ASAP3: variants seen among roughly 807,000 people sequenced by gnomAD.
The protein encoded by ASAP3 is ArfGAP with SH3 domain, ankyrin repeat and PH domain 3.
A neutral mutation model predicts 118.2 loss-of-function variants in ASAP3; 85 were observed. The ratio of observed to expected loss-of-function variants is 0.72; its 90% CI spans 0.60 to 0.86. The LOEUF is 0.86. ASAP3 is among the 40% of genes least tolerant of loss of function. The pLI, the probability that ASAP3 is intolerant of heterozygous loss-of-function variation, is 0.00. For missense variants in ASAP3, 1,026 were observed against 1,175.0 expected (o/e 0.87, Z 1.85); for synonymous variants, 432 against 477.4 (o/e 0.90, Z 1.24).
chr1:23,467,226 G>A (rs889558693), intron 1 of ASAP3, among the ~76,000 whole-genome samples: 6 of 150,328 alleles, frequency 4.0e-5, no homozygotes, highest in African/African-American at 1.5e-4. Context: ...ATGGAGTCTT[G>A]CTCTGTTGCC....
At chr1:23,481,462 TGC>T (rs1642305094) in intron 1 of ASAP3, among the ~76,000 whole-genome samples, 1 of 152,118 alleles carries the variant, frequency 6.6e-6, no homozygotes, top group South Asian at 2.1e-4. Context: ...TAAATGCAAA[TGC>T]AAAACCAAAC....
chr1:23,446,133 GATA>G (rs1422250459), intron 5 of ASAP3, among the ~76,000 whole-genome samples: 3 of 152,182 alleles, frequency 2.0e-5, no homozygotes, highest in African/African-American at 7.2e-5. Context: ...ATCCCCCATG[GATA>G]ATGAGGGATG....
chr1:23,436,045 C>T lies in ASAP3; in HGVS notation c.1572-17G>A. The stretch of plus-strand genomic sequence containing the variant: ...CGGGTGCCCCTACCAAAAACAACCA[C>T]AGGATCTCAGAGCATGGACCGTGTC... On this transcript the variant is annotated splice_polypyrimidine_tract_variant and intron_variant, in intron 16 of 24. Coordinates refer to ENST00000336689, the MANE Select transcript of ASAP3 (RefSeq NM_017707.4). The surrounding 1 kb of genome is among the most constrained non-coding windows in gnomAD (Gnocchi z 4.2). The T allele has an allele frequency of 1.2e-6, 2 of 1,613,698 alleles. No homozygotes were observed. Among genetic ancestry groups the T allele is most frequent in the Non-Finnish European group, 8.5e-7 (1 of 1,179,590 alleles).
intron 4 of ASAP3, among the ~76,000 whole-genome samples, chr1:23,452,364 A>G (rs528621672): frequency 4.1e-4 from 63 of 152,304 alleles, no homozygotes; most frequent in African/African-American, 1.5e-3. Context: ...TGGGCTCTCT[A>G]CTTCCTAGTT....
At position 23,441,739 on chromosome 1, in the gene ASAP3, T is replaced by C. The variant is rs1365777994; in HGVS notation, c.672-9A>G. On this transcript the variant is annotated splice_polypyrimidine_tract_variant and intron_variant, in intron 7 of 24. Coordinates refer to ENST00000336689, the MANE Select transcript of ASAP3 (RefSeq NM_017707.4). ...AGCCATCTTGGAAAAAGCTAAGAGG[T>C]GTCAGAGGCCAAACAAGGGTCCAGA... is the stretch of plus-strand genomic sequence containing the variant. 2 of 1,613,698 alleles carry C rather than the reference T, an allele frequency of 1.2e-6. No homozygotes were observed. Among genetic ancestry groups the C allele is most frequent in the Non-Finnish European group, 1.7e-6 (2 of 1,179,902 alleles).
In ASAP3 at chr1:23,484,023, C is replaced by A; in HGVS notation, c.111G>T (p.Ala37=). 7.7e-7 allele frequency: 1 copy of A among 1,303,808 alleles called. No homozygotes were observed. The highest frequency in any genetic ancestry group is 9.7e-7 in the Non-Finnish European group (1 of 1,028,522). 80.8% of individuals were successfully genotyped at this position (1,303,808 alleles called of 1,614,324 possible). ...FAAKMPRYRG[A]ALAREEILEG... is the part of the protein sequence containing the mutation. ...CCCTCACCTCCTCCCGCGCCAGCGC[C>A]GCCCCTCGGTACCGGGGCATCTTGG... Residue 37 remains alanine, a synonymous_variant, in exon 1 of 25, where the codon GCG becomes GCT. Transcript: ENST00000336689.
At chr1:23,482,379 G>A (rs1309774993) in intron 1 of ASAP3, among the ~76,000 whole-genome samples, 2 of 152,050 alleles carry the variant, frequency 1.3e-5, no homozygotes, top group African/African-American at 4.8e-5. Context: ...AATATTAGCC[G>A]GGTGTGGTGG....
In ASAP3 at chr1:23,438,676, C is replaced by G; in HGVS notation, c.1102+71G>C. 2 of 1,421,604 alleles carry G rather than the reference C, an allele frequency of 1.4e-6. No homozygotes were observed. Among genetic ancestry groups the G allele is most frequent in the Non-Finnish European group, 2.0e-6 (2 of 1,012,516 alleles). The allele number at this position is 1,421,604 out of a possible 1,614,324, so 88.1% of individuals were successfully genotyped here. A position where few individuals can be genotyped will look rare whatever the true frequency, so the allele number is the denominator to read the frequency against. ...ACACAGACCCCTCACTGAAGCCCCC[C>G]GGGAGCTGACAGGTGTCTTAGAGAA... On this transcript the variant is annotated intron_variant, in intron 12 of 24. Coordinates refer to ENST00000336689, the MANE Select transcript of ASAP3 (RefSeq NM_017707.4). The surrounding 1 kb of genome is among the most constrained non-coding windows in gnomAD (Gnocchi z 4.9).
chr1:23,446,495 T>C (rs913500685), intron 5 of ASAP3, among the ~76,000 whole-genome samples: 1 of 150,566 alleles, frequency 6.6e-6, no homozygotes, highest in Middle Eastern at 3.5e-3. Flanking sequence ...TAGAGTGCCA[T>C]GGCGCCATCT....
At chr1:23,435,762 G>A (rs777425337) in intron 17 of ASAP3, 89 bp downstream of exon 17, 17 of 1,433,768 alleles carry the variant, frequency 1.2e-5, no homozygotes, top group Middle Eastern at 1.7e-4. Context: ...TCAGAGGTGG[G>A]GTGGAGGGGA....
At chr1:23,448,111 A>G (rs1641103873) in intron 5 of ASAP3, among the ~76,000 whole-genome samples, 1 of 152,258 alleles carries the variant, frequency 6.6e-6, no homozygotes, top group Non-Finnish European at 1.5e-5. Flanking sequence ...GAATTGCAAT[A>G]GAAGGAATGA....
At chr1:23,465,989 G>A (rs1641755261) in intron 1 of ASAP3, among the ~76,000 whole-genome samples, 1 of 152,186 alleles carries the variant, frequency 6.6e-6, no homozygotes, top group Admixed American at 6.5e-5. Context: ...CTTAGGAAAG[G>A]GAGAAGGCAG....
intron 1 of ASAP3, among the ~76,000 whole-genome samples, chr1:23,463,259 C>T (rs1347673382): frequency 6.6e-6 from 1 of 152,114 alleles, no homozygotes. Context: ...GGGAAAAGTT[C>T]TAATTACTCC....
rs773639283 is a variant in ASAP3 at position 23,436,987 on chromosome 1, A to G, written c.1400T>C (p.Val467Ala). 6.2e-7 allele frequency: 1 copy of G among 1,611,976 alleles called. No individual in the cohort carries two copies. The highest frequency in any genetic ancestry group is 1.3e-5 in the African/African-American group (1 of 74,920). ...GVLTCIQCSGVHRELGVRFSR... is the reference protein window; with the variant it reads ...GVLTCIQCSGAHRELGVRFSR... ...AAAGCGCACGCCCAGTTCGCGGTGG[A>G]CGCCCGAGCACTGGATGCAGGTGAG... The change falls in exon 15 of 25, where the codon GTC becomes GCC. Residue 467 changes from valine to alanine, a missense_variant. Coordinates refer to ENST00000336689, the MANE Select transcript of ASAP3 (RefSeq NM_017707.4). This position sits in a 1 kb window ranked among gnomAD's most constrained non-coding sequence, Gnocchi z 4.2.
chr1:23,480,415 T>G (rs553092414), intron 1 of ASAP3, among the ~76,000 whole-genome samples: 2 of 152,272 alleles, frequency 1.3e-5, no homozygotes, highest in South Asian at 4.1e-4. Flanking sequence ...TTCACTCCCT[T>G]GTCCTCTCCG....
intron 22 of ASAP3, among the ~76,000 whole-genome samples, chr1:23,432,743 C>G (rs1640484534): frequency 6.6e-6 from 1 of 152,176 alleles, no homozygotes; most frequent in Admixed American, 6.5e-5. Context: ...TTTTATCTCC[C>G]CTACTAGACT....
chr1:23,477,914 G>T (rs1008756574), intron 1 of ASAP3, among the ~76,000 whole-genome samples: 2 of 152,090 alleles, frequency 1.3e-5, no homozygotes, highest in African/African-American at 4.8e-5. Context: ...GTTGGGCTTT[G>T]CCAGAAGACT....
chr1:23,454,007 T>C (rs1419793655), intron 3 of ASAP3, among the ~76,000 whole-genome samples: 2 of 151,992 alleles, frequency 1.3e-5, no homozygotes, highest in Non-Finnish European at 2.9e-5. Context: ...GGACACTAAT[T>C]CAATTGAACT....
chr1:23,429,830 T>A lies in ASAP3; in HGVS notation c.*26A>T. The A allele has an allele frequency of 6.2e-7, 1 of 1,610,286 alleles. No individual in the cohort carries two copies. The highest frequency in any genetic ancestry group is 8.5e-7 in the Non-Finnish European group (1 of 1,177,890). ...CAGCTCTGAACATTGGGGCCTAGCA[T>A]GGGGCATGTGGGGGCCAGCAAGGAG... On this transcript the variant is annotated 3_prime_UTR_variant, in exon 25 of 25. Coordinates refer to ENST00000336689, the MANE Select transcript of ASAP3 (RefSeq NM_017707.4).
Sources: gnomAD v4.1 joint callset for allele counts (sites outside exome capture counted in the v4.1 genomes callset) on GRCh38, gnomAD v4.1.1 for gene constraint, Gnocchi (gnomAD v3.1) non-coding constraint, MANE v1.5 for transcripts, NCBI Gene and HGNC (gene_info 2026-07-23, HGNC 2026-07-21) for gene names.